FANCC: variants seen among roughly 807,000 people sequenced by gnomAD.
FANCC encodes FA complementation group C.
Under a neutral mutation model 71.3 loss-of-function variants are expected in FANCC, and 55 were observed. The observed-to-expected ratio is 0.77, with a 90% CI of 0.62 to 0.97. The LOEUF (loss-of-function observed/expected upper bound fraction) is 0.97, where lower values mean the gene tolerates loss of function less well. Among genes scored for constraint, FANCC ranks in the 50% least tolerant of loss-of-function variants. The pLI is 0.00. For missense variants in FANCC, 678 were observed against 670.9 expected (o/e 1.01, Z -0.12); for synonymous variants, 275 against 244.9 (o/e 1.12, Z -1.15).
chr9:95,123,638 A>C (rs767544306), intron 10 of FANCC: 1 of 614,318 alleles, frequency 1.6e-6, no homozygotes, highest in Non-Finnish European at 3.1e-6. Context: ...TAACAAATTC[A>C]TCATTGGAAA....
intron 6 of FANCC, among the ~76,000 whole-genome samples, chr9:95,152,739 C>G (rs1257346571): frequency 6.6e-6 from 1 of 151,972 alleles, no homozygotes; most frequent in Admixed American, 6.6e-5. Flanking sequence ...ATCCATCACC[C>G]GAGTAGACTG....
intron 1 of FANCC, among the ~76,000 whole-genome samples, chr9:95,271,938 T>TC (rs1267563823): frequency 9.2e-6 from 1 of 109,046 alleles, no homozygotes; most frequent in African/African-American, 3.4e-5. Flanking sequence ...TTTTTTTTTT[T>TC]TTTTTTTTTT....
chr9:95,273,609 C>CT (rs983944919), intron 1 of FANCC, among the ~76,000 whole-genome samples: 1 of 152,196 alleles, frequency 6.6e-6, no homozygotes, highest in African/African-American at 2.4e-5. Flanking sequence ...CTGTCTGTGG[C>CT]TTTTTTTGTT....
chr9:95,315,705 C>T (rs1835698947), intron 1 of FANCC, among the ~76,000 whole-genome samples: 1 of 152,228 alleles, frequency 6.6e-6, no homozygotes, highest in Non-Finnish European at 1.5e-5. Context: ...ATTTGGTGCT[C>T]ATTTCCAGCC....
chr9:95,133,547 G>C (rs1385641468), intron 8 of FANCC, among the ~76,000 whole-genome samples: 1 of 152,208 alleles, frequency 6.6e-6, no homozygotes, highest in Non-Finnish European at 1.5e-5. Flanking sequence ...TCTCTGTCTT[G>C]CATCTGCTGT....
At chr9:95,255,460 C>G (rs1014557056) in intron 1 of FANCC, among the ~76,000 whole-genome samples, 1 of 152,184 alleles carries the variant, frequency 6.6e-6, no homozygotes, top group African/African-American at 2.4e-5. Context: ...AGGGGCCTGA[C>G]TGTTAGAAGG....
chr9:95,133,887 A>G (rs1464639167), intron 8 of FANCC, among the ~76,000 whole-genome samples: 3 of 152,212 alleles, frequency 2.0e-5, no homozygotes, highest in Admixed American at 6.5e-5. Flanking sequence ...GAAAGTCATG[A>G]TTTATTTTGA....
At chr9:95,309,795 T>C (rs1360165730) in intron 1 of FANCC, among the ~76,000 whole-genome samples, 1 of 152,120 alleles carries the variant, frequency 6.6e-6, no homozygotes, top group African/African-American at 2.4e-5. Flanking sequence ...GGTGGGGGTG[T>C]TGTTCTGCTC....
At chr9:95,180,339 CTTTTTTTTT>C (rs34697587) in intron 4 of FANCC, among the ~76,000 whole-genome samples, 1 of 82,160 alleles carries the variant, frequency 1.2e-5, no homozygotes, top group Non-Finnish European at 2.3e-5. Flanking sequence ...ACAGTTAACT[CTTTTTTTTT>C]TTTTTTTTTT....
chr9:95,121,880 T>C (rs1472426304), intron 10 of FANCC, among the ~76,000 whole-genome samples: 1 of 149,916 alleles, frequency 6.7e-6, no homozygotes, highest in African/African-American at 2.5e-5. Flanking sequence ...TTTTTTGAGA[T>C]GGAGTCTCGC....
intron 7 of FANCC, among the ~76,000 whole-genome samples, chr9:95,139,394 G>GC: frequency 6.6e-6 from 1 of 152,278 alleles, no homozygotes; most frequent in Middle Eastern, 3.4e-3. Context: ...AAGACACACA[G>GC]CCCCGTGTTA....
chr9:95,102,037 G>A (rs1947556522), intron 14 of FANCC, among the ~76,000 whole-genome samples, 187 bp from the exon 15 acceptor site: 1 of 152,190 alleles, frequency 6.6e-6, no homozygotes, highest in African/African-American at 2.4e-5. Context: ...TGTCTCCAAG[G>A]CTGGCTACAC....
intron 4 of FANCC, among the ~76,000 whole-genome samples, chr9:95,225,752 A>C (rs1199984994): frequency 6.6e-6 from 1 of 152,206 alleles, no homozygotes; most frequent in Non-Finnish European, 1.5e-5. Context: ...AAATGAAAAA[A>C]ACAAAATAAA....
chr9:95,254,242 A>C (rs563295775), intron 1 of FANCC, among the ~76,000 whole-genome samples: 69 of 152,266 alleles, frequency 4.5e-4, no homozygotes, highest in Non-Finnish European at 8.7e-4. Context: ...TCAATATGTT[A>C]CTTTCTACAA....
intron 4 of FANCC, among the ~76,000 whole-genome samples, chr9:95,174,262 G>A (rs1490048544): frequency 1.3e-5 from 2 of 152,096 alleles, no homozygotes; most frequent in African/African-American, 4.8e-5. Context: ...TTCACATGGT[G>A]AAAGGGACAG....
At chr9:95,217,008 ACAT>A (rs1279317449) in intron 4 of FANCC, among the ~76,000 whole-genome samples, 2 of 152,214 alleles carry the variant, frequency 1.3e-5, no homozygotes, top group Non-Finnish European at 2.9e-5. Flanking sequence ...ATTCCACCCA[ACAT>A]TATTTTGAAG....
intron 10 of FANCC, among the ~76,000 whole-genome samples, chr9:95,119,272 A>G (rs1053548699): frequency 6.6e-6 from 1 of 152,006 alleles, no homozygotes; most frequent in African/African-American, 2.4e-5. Context: ...CTCTTCATAT[A>G]TTCTCGACAC....
chr9:95,182,943 C>T, intron 4 of FANCC, among the ~76,000 whole-genome samples: 1 of 151,968 alleles, frequency 6.6e-6, no homozygotes, highest in South Asian at 2.1e-4. Context: ...TCTCCTGTCA[C>T]CCCCTAAGGC....
At position 95,100,418 on chromosome 9, in the gene FANCC, A is replaced by AACTT; in HGVS notation, c.*1285_*1288dup. ...AAAATAAGGAATTTCCCTAAAGGTT[A>AACTT]ACTTCTAATCCAGCAAAACTTTGCT... On this transcript the variant is annotated 3_prime_UTR_variant, in exon 15 of 15. Coordinates refer to ENST00000289081, the MANE Select transcript of FANCC (RefSeq NM_000136.3). The AACTT allele has an allele frequency of 4.3e-6, 1 of 231,696 alleles. No homozygotes were observed. Among genetic ancestry groups the AACTT allele is most frequent in the Non-Finnish European group, 8.5e-6 (1 of 117,058 alleles). 14.4% of individuals were successfully genotyped at this position (231,696 alleles called of 1,614,324 possible).
Sources: gnomAD v4.1 joint callset for allele counts (sites outside exome capture counted in the v4.1 genomes callset) on GRCh38, gnomAD v4.1.1 for gene constraint, MANE v1.5 for transcripts, NCBI Gene and HGNC (gene_info 2026-07-23, HGNC 2026-07-21) for gene names.